ZDHHC7: variants seen among roughly 807,000 people sequenced by gnomAD.
The protein encoded by ZDHHC7 is zDHHC palmitoyltransferase 7.
Under a neutral mutation model 34.1 loss-of-function variants are expected in ZDHHC7, and 12 were observed. The ratio of observed to expected loss-of-function variants is 0.35; its 90% confidence interval spans 0.23 to 0.57. The LOEUF (loss-of-function observed/expected upper bound fraction) is 0.57, where lower values mean the gene tolerates loss of function less well. Ranked by LOEUF, ZDHHC7 falls within the 20% of genes least tolerant of loss-of-function variation. The pLI is 0.84. For synonymous variants in ZDHHC7, 185 were observed against 155.4 expected (o/e 1.19, Z -1.42); for missense variants, 388 against 402.7 (o/e 0.96, Z 0.31).
In ZDHHC7 at chr16:84,990,331, G is replaced by C. The variant is rs1330717012; in HGVS notation, c.288C>G (p.Ser96=). Residue 96 remains serine, a synonymous_variant, in exon 3 of 8, where the codon TCC becomes TCG. Transcript: ENST00000313732. ...FNCLAVLALS[S]HLRTMLTDPG... is the part of the protein sequence containing the mutation. ...GGTCGGTGAGCATGGTTCTCAGGTG[G>C]GATGACAGGGCAAGCACGGCCAAGC... is the stretch of plus-strand genomic sequence containing the variant. 1 of 1,613,926 alleles carries C rather than the reference G, an allele frequency of 6.2e-7. No homozygotes were observed. Among genetic ancestry groups the C allele is most frequent in the Non-Finnish European group, 8.5e-7 (1 of 1,180,014 alleles).
rs1199184724 is a variant in ZDHHC7 at position 84,977,999 on chromosome 16, T to C, written c.544A>G (p.Ile182Val). Residue 182 changes from isoleucine (I) to valine (V), a missense_variant, in exon 6 of 8, where the codon ATA becomes GTA. By Grantham distance (29) the Ile-to-Val change is conservative (BLOSUM62 3). Coordinates refer to ENST00000313732, the MANE Select transcript of ZDHHC7 (RefSeq NM_017740.3). The part of the protein sequence containing the change: ...QRFFVLFTMY[I>V]ALSSVHALIL... ...AGAGCATGGACTGAAGACAGAGCTA[T>C]ATACATCTAGAATGAGGGGGAGATT... 2.5e-6 allele frequency: 4 copies of C among 1,610,832 alleles called. No homozygotes were observed. Among genetic ancestry groups the C allele is most frequent in the Non-Finnish European group, 2.5e-6 (3 of 1,178,424 alleles).
the ZDHHC7 span, among the ~76,000 whole-genome samples, chr16:85,024,117 C>T: frequency 6.6e-6 from 1 of 152,052 alleles, no homozygotes; most frequent in Non-Finnish European, 1.5e-5. Context: ...GAGGTTTCAC[C>T]ATGATGGCCA....
intron 4 of ZDHHC7, among the ~76,000 whole-genome samples, chr16:84,979,949 C>CTTTT (rs561019555): frequency 8.3e-5 from 8 of 96,012 alleles, no homozygotes; most frequent in Non-Finnish European, 1.2e-4. Flanking sequence ...ATAGCGTCAC[C>CTTTT]TTTTTTTTTT....
intron 4 of ZDHHC7, among the ~76,000 whole-genome samples, chr16:84,979,678 T>C (rs1190710120): frequency 1.3e-5 from 2 of 152,162 alleles, no homozygotes; most frequent in African/African-American, 4.8e-5. Flanking sequence ...TATCTTCAAA[T>C]AATTCCTACC....
chr16:84,997,956 G>GAAA (rs2072603363), intron 1 of ZDHHC7, among the ~76,000 whole-genome samples: 1 of 142,642 alleles, frequency 7.0e-6, no homozygotes, highest in Non-Finnish European at 1.5e-5. Context: ...AAGACAGAGA[G>GAAA]AAAACACTGA....
chr16:85,008,050 A>C (rs566869726), intron 1 of ZDHHC7, among the ~76,000 whole-genome samples: 23 of 152,138 alleles, frequency 1.5e-4, no homozygotes, highest in Non-Finnish European at 2.4e-4. Flanking sequence ...CAGGAGATCA[A>C]GGCTGTAGTG....
chr16:84,994,594 T>C (rs1485282669), intron 2 of ZDHHC7, among the ~76,000 whole-genome samples: 1 of 152,214 alleles, frequency 6.6e-6, no homozygotes, highest in Admixed American at 6.5e-5. Flanking sequence ...GTTCAGGTCC[T>C]GGTAAGACCT....
the ZDHHC7 span, among the ~76,000 whole-genome samples, chr16:85,021,409 CAA>C: frequency 9.4e-5 from 8 of 85,444 alleles, no homozygotes; most frequent in Non-Finnish European, 7.0e-5. Context: ...AGACTCCATC[CAA>C]AAAAAAAAAA....
chr16:85,008,057 A>T (rs2072741046), intron 1 of ZDHHC7, among the ~76,000 whole-genome samples: 1 of 152,026 alleles, frequency 6.6e-6, no homozygotes, highest in Admixed American at 6.5e-5. Flanking sequence ...TCAAGGCTGT[A>T]GTGAGCCATG....
chr16:84,990,969 C>G (rs184245933), intron 2 of ZDHHC7, among the ~76,000 whole-genome samples: 10 of 152,270 alleles, frequency 6.6e-5, no homozygotes, highest in Non-Finnish European at 1.5e-4. Context: ...GAGAGGAGCT[C>G]TGCTGTATCA....
intron 6 of ZDHHC7, 140 bp from the exon 7 acceptor site, chr16:84,977,365 C>T: frequency 9.1e-7 from 1 of 1,104,158 alleles, no homozygotes; most frequent in South Asian, 1.6e-5. Context: ...TGGGCACATT[C>T]ATTGTTCTCC....
intron 1 of ZDHHC7, among the ~76,000 whole-genome samples, chr16:85,007,399 G>A (rs2072731966): frequency 1.4e-5 from 2 of 147,758 alleles, no homozygotes; most frequent in African/African-American, 5.1e-5. Flanking sequence ...CTCCAGCCTG[G>A]GCAACAGAGC....
rs1448238140 is a variant in ZDHHC7, at chr16:84,976,191, A to C, written c.*152T>G. The C allele has an allele frequency of 1.0e-6, 1 of 970,888 alleles. No individual in the cohort carries two copies. The highest frequency in any genetic ancestry group is 1.7e-5 in the African/African-American group (1 of 60,156). 60.1% of individuals were successfully genotyped at this position (970,888 alleles called of 1,614,324 possible). A position where few individuals can be genotyped will look rare whatever the true frequency, so the allele number is the denominator to read the frequency against. The stretch of plus-strand genomic sequence containing the variant: ...AGAGCCTCTTCCTCTGCCATCTGTG[A>C]CTATAAATATATAAAACTCTGCTTG... On this transcript the variant is annotated 3_prime_UTR_variant, in exon 8 of 8. Coordinates refer to ENST00000313732, the MANE Select transcript of ZDHHC7 (RefSeq NM_017740.3).
chr16:84,976,239 G>T lies in ZDHHC7; in HGVS notation c.*104C>A. ...TTGCTGCAAGCAATTGGTTTGTGTA[G>T]GTTCCAGTTGCCCTGTTGGTCACAG... is the stretch of plus-strand genomic sequence containing the variant. On this transcript the variant is annotated 3_prime_UTR_variant, in exon 8 of 8. Coordinates refer to ENST00000313732, the MANE Select transcript of ZDHHC7 (RefSeq NM_017740.3). The T allele has an allele frequency of 7.0e-7, 1 of 1,421,816 alleles. No homozygotes were observed. The highest frequency in any genetic ancestry group is 9.7e-7 in the Non-Finnish European group (1 of 1,035,578). The allele number at this position is 1,421,816 out of a possible 1,614,324, so 88.1% of individuals were successfully genotyped here. A position where few individuals can be genotyped will look rare whatever the true frequency, so the allele number is the denominator to read the frequency against.
In ZDHHC7 at chr16:85,011,522, C is replaced by G. The variant is rs904376059; in HGVS notation, c.-340G>C. On this transcript the variant is annotated 5_prime_UTR_variant, in exon 1 of 8. Transcript: ENST00000313732. ...GCCTTGGCTGGAGAGCGGGGCGGTG[C>G]GAGCGCCGGAAGTGAACCCGACGAG... is the stretch of plus-strand genomic sequence containing the variant. 17 of 152,194 alleles carry G rather than the reference C, an allele frequency of 1.1e-4. No homozygotes were observed. The highest frequency in any genetic ancestry group is 1.1e-3 in the Admixed American group (17 of 15,286). The allele number at this position is 152,194 out of a possible 1,614,324, so 9.4% of individuals were successfully genotyped here.
the ZDHHC7 span, among the ~76,000 whole-genome samples, chr16:85,025,464 A>G: frequency 6.6e-6 from 1 of 151,278 alleles, no homozygotes; most frequent in Admixed American, 6.6e-5. Context: ...GCTGGAGTGC[A>G]GTGGCGCGAT....
upstream of ZDHHC7, among the ~76,000 whole-genome samples, chr16:85,015,306 G>A (rs1021364909): frequency 5.9e-5 from 9 of 151,932 alleles, no homozygotes; most frequent in African/African-American, 2.2e-4. Flanking sequence ...TCATCATGTT[G>A]GCCAGGCTGG....
chr16:84,990,116 G>A (rs535856503), intron 3 of ZDHHC7, among the ~76,000 whole-genome samples, 188 bp downstream of exon 3: 3 of 152,296 alleles, frequency 2.0e-5, no homozygotes, highest in African/African-American at 7.2e-5. Flanking sequence ...ATTTCACTGC[G>A]CTAGGTCTGG....
rs201638102 is a variant in ZDHHC7 at position 84,990,419 on chromosome 16, A to C, written c.200T>G (p.Phe67Cys). The stretch of plus-strand genomic sequence containing the variant: ...GTCTTTGGAAGGCAGCAGCATGACG[A>C]AAGTCACCACGAAGTCTGCATAGGC... ...LVAYADFVVTFVMLLPSKDFW... is the reference protein window; with the variant it reads ...LVAYADFVVTCVMLLPSKDFW... Residue 67 changes from phenylalanine to cysteine, a missense_variant, in exon 3 of 8, where the codon TTC becomes TGC. Phe to Cys is a radical substitution (Grantham distance 205, BLOSUM62 -2). Transcript: ENST00000313732. 23 of 1,614,062 alleles carry C rather than the reference A, an allele frequency of 1.4e-5. No homozygotes were observed. The highest frequency in any genetic ancestry group is 1.9e-5 in the Non-Finnish European group (22 of 1,180,042).
Sources: allele counts gnomAD v4.1 joint callset (sites outside exome capture counted in the v4.1 genomes callset), GRCh38; gene constraint gnomAD v4.1.1; transcripts MANE v1.5; gene names NCBI Gene and HGNC (gene_info 2026-07-23, HGNC 2026-07-21).